GTF2I: variants seen among roughly 807,000 people sequenced by gnomAD.
GTF2I encodes general transcription factor IIi.
GTF2I carries 12 observed loss-of-function variants against 67.6 expected under a neutral mutation model. The ratio of observed to expected loss-of-function variants is 0.18; its 90% confidence interval spans 0.11 to 0.29. GTF2I has a LOEUF of 0.29. GTF2I is among the 10% of genes least tolerant of loss of function. The probability of loss-of-function intolerance (pLI) is 1.00; values close to 1 mark genes in which losing one functional copy is unlikely to be tolerated. For missense variants in GTF2I, 271 were observed against 580.1 expected, an observed-to-expected ratio of 0.47 and a Z score of 5.47; for synonymous variants, 149 against 197.0, an observed-to-expected ratio of 0.76 and a Z score of 2.04.
At chr7:74,678,991 C>T (rs1361566611) in intron 1 of GTF2I, among the ~76,000 whole-genome samples, 3 of 151,974 alleles carry the variant, frequency 2.0e-5, no homozygotes, top group Non-Finnish European at 2.9e-5. Flanking sequence ...AGGCTGGTCT[C>T]GAACTCCTGA....
chr7:74,675,982 C>G (rs1373123435), intron 1 of GTF2I, among the ~76,000 whole-genome samples: 1 of 152,052 alleles, frequency 6.6e-6, no homozygotes, highest in Non-Finnish European at 1.5e-5. Flanking sequence ...TGCACTGCAG[C>G]CTGGGTGACA....
intron 7 of GTF2I, 84 bp downstream of exon 7, chr7:74,705,302 A>G: frequency 3.7e-6 from 3 of 819,266 alleles, no homozygotes; most frequent in Middle Eastern, 4.4e-4. Flanking sequence ...TCAGAATATT[A>G]AAAAGGCCTC....
chr7:74,721,688 T>TA (rs1793024291), intron 12 of GTF2I, among the ~76,000 whole-genome samples: 1 of 152,176 alleles, frequency 6.6e-6, no homozygotes, highest in Non-Finnish European at 1.5e-5. Flanking sequence ...GTGTATCATA[T>TA]ATTCTTTCTG....
At chr7:74,700,768 T>A (rs1222550637) in intron 6 of GTF2I, 134 bp downstream of exon 6, 8 of 882,150 alleles carry the variant, frequency 9.1e-6, no homozygotes, top group Non-Finnish European at 1.5e-5. Flanking sequence ...GTTTAGATGT[T>A]TATATAATCC....
At chr7:74,666,159 A>C (rs1731602283) in intron 1 of GTF2I, among the ~76,000 whole-genome samples, 1 of 152,192 alleles carries the variant, frequency 6.6e-6, no homozygotes, top group African/African-American at 2.4e-5. Flanking sequence ...TGACAGTTGG[A>C]TTGATGAAAC....
At chr7:74,666,415 G>A (rs961917180) in intron 1 of GTF2I, among the ~76,000 whole-genome samples, 17 of 152,160 alleles carry the variant, frequency 1.1e-4, no homozygotes, top group African/African-American at 3.9e-4. Context: ...ATTTGACAGA[G>A]GAGGACGATG....
chr7:74,699,342 G>A, intron 4 of GTF2I: 1 of 197,616 alleles, frequency 5.1e-6, no homozygotes, highest in Non-Finnish European at 1.0e-5. Flanking sequence ...GCCCAGGCTG[G>A]AGTGCAGTGG....
chr7:74,671,481 T>G (rs1475129783), intron 1 of GTF2I, among the ~76,000 whole-genome samples: 2 of 152,068 alleles, frequency 1.3e-5, no homozygotes, highest in Non-Finnish European at 2.9e-5. Flanking sequence ...TCTTGTTTTT[T>G]TTTTTTCTTT....
At chr7:74,695,996 A>T (rs1279163179) in intron 3 of GTF2I, among the ~76,000 whole-genome samples, 3 of 144,152 alleles carry the variant, frequency 2.1e-5, no homozygotes, top group Non-Finnish European at 4.6e-5. Flanking sequence ...ATTGCTAATA[A>T]TTTTTTTTTT....
chr7:74,701,009 C>T (rs2259965), intron 6 of GTF2I, among the ~76,000 whole-genome samples: 27,056 of 152,094 alleles, frequency 0.18, 4,557 homozygotes, highest in African/African-American at 0.45. Context: ...GTGAGTCTCA[C>T]GGAAGAGAGA....
chr7:74,662,511 C>CTTTTTT (rs1161320476), intron 1 of GTF2I, among the ~76,000 whole-genome samples: 1,015 of 50,220 alleles, frequency 0.02, 239 homozygotes, highest in Middle Eastern at 0.067. Flanking sequence ...CACCTGGACC[C>CTTTTTT]TTTTTTTTTT....
chr7:74,693,839 C>T lies in GTF2I; in HGVS notation c.238+2728C>T, dbSNP rs368326554. Among the ~76,000 whole-genome samples, 210 of 151,888 alleles carry T rather than the reference C, an allele frequency of 1.4e-3. 1 individual carries two copies. Among genetic ancestry groups the T allele is most frequent in the African/African-American group, 4.4e-3 (184 of 41,414 alleles). On this transcript the variant is annotated intron_variant, in intron 3 of 34. Transcript: ENST00000573035. ...CCAGCCTGGCGAAAGAGCAAGACTC[C>T]GTCTCAACGAAAAAAAAAGGAAATT...
chr7:74,695,000 A>C (rs953094907), intron 3 of GTF2I, among the ~76,000 whole-genome samples: 50 of 152,240 alleles, frequency 3.3e-4, no homozygotes, highest in African/African-American at 1.2e-3. Context: ...TTGTTCACCG[A>C]ATATTTTAAG....
At chr7:74,697,635 GT>G (rs1335326060) in intron 3 of GTF2I, among the ~76,000 whole-genome samples, 1 of 152,050 alleles carries the variant, frequency 6.6e-6, no homozygotes, top group Non-Finnish European at 1.5e-5. Context: ...TAGTACAAGG[GT>G]ACTGGTATGT....
Position 74,691,045 on chromosome 7 carries a change from G to C in GTF2I, c.172G>C (p.Gly58Arg), listed in dbSNP as rs1788247565. The part of the protein sequence containing the change: ...AVYETDVFVV[G>R]TERGRAFVNT... ...GTATGAAACAGACGTGTTTGTCGTC[G>C]GAACTGAAAGAGGACGTGCTTTTGT... Residue 58 changes from glycine to arginine, a missense_variant, in exon 3 of 35, where the codon GGA becomes CGA. By Grantham distance (125) the Gly-to-Arg change is moderately radical. This residue lies in a region of GTF2I where 72 missense variants were observed against 87.4 expected (regional missense o/e 0.82). Coordinates refer to ENST00000573035, the MANE Select transcript of GTF2I (RefSeq NM_032999.4). 6.2e-7 allele frequency: 1 copy of C among 1,612,840 alleles called. No individual in the cohort carries two copies. The highest frequency in any genetic ancestry group is 8.5e-7 in the Non-Finnish European group (1 of 1,179,240).
chr7:74,725,393 A>G (rs1157208645), intron 12 of GTF2I, among the ~76,000 whole-genome samples: 1 of 152,164 alleles, frequency 6.6e-6, no homozygotes, highest in Non-Finnish European at 1.5e-5. Context: ...TATTTTATCA[A>G]TAACTACATC....
intron 3 of GTF2I, among the ~76,000 whole-genome samples, chr7:74,698,389 CTT>C (rs67968753): frequency 0.59 from 32,742 of 55,414 alleles, 9,542 homozygotes; most frequent in East Asian, 0.74. Flanking sequence ...CGCACCTGGC[CTT>C]TTTTTTTTTT....
At chr7:74,658,302 A>G (rs1554384641) in intron 1 of GTF2I, among the ~76,000 whole-genome samples, 1 of 149,024 alleles carries the variant, frequency 6.7e-6, no homozygotes, top group Non-Finnish European at 1.5e-5. Context: ...CAGTGGCCGA[A>G]ACGAGGCGAT....
chr7:74,662,853 A>G (rs1422569371), intron 1 of GTF2I, among the ~76,000 whole-genome samples: 1 of 152,038 alleles, frequency 6.6e-6, no homozygotes, highest in African/African-American at 2.4e-5. Context: ...TTCCGGGGAA[A>G]ATAACCGCAG....
Sources: allele counts gnomAD v4.1 joint callset (sites outside exome capture counted in the v4.1 genomes callset), GRCh38; gene constraint gnomAD v4.1.1; regional missense constraint gnomAD v4.1.1; transcripts MANE v1.5; gene names NCBI Gene and HGNC (gene_info 2026-07-23, HGNC 2026-07-21).